Variants in FAT3 observed in about 807,000 individuals in gnomAD.
FAT3 encodes protocadherin Fat 3.
In FAT3, 95 loss-of-function variants were observed where a neutral mutation model predicts 310.2. The observed-to-expected ratio is 0.31, with a 90% CI of 0.26 to 0.36. The LOEUF is 0.36. Ranked by LOEUF, FAT3 falls within the 10% of genes least tolerant of loss-of-function variation. The pLI is 1.00. For missense variants in FAT3, 5,408 were observed against 5,715.6 expected (o/e 0.95, Z 1.74); for synonymous variants, 2,314 against 2,192.9 (o/e 1.06, Z -1.54).
chr11:92,646,448 G>C (rs1942171178), intron 3 of FAT3, among the ~76,000 whole-genome samples: 1 of 152,162 alleles, frequency 6.6e-6, no homozygotes, highest in African/African-American at 2.4e-5. Context: ...GGCCAGCCCA[G>C]ATTCAATGGG....
chr11:92,676,265 A>C (rs978195928), intron 3 of FAT3, among the ~76,000 whole-genome samples: 2 of 152,234 alleles, frequency 1.3e-5, no homozygotes, highest in South Asian at 2.1e-4. Context: ...CTTGTCACCT[A>C]TAATGCTTCA....
intron 2 of FAT3, among the ~76,000 whole-genome samples, chr11:92,413,604 C>T (rs1443239912): frequency 6.6e-6 from 1 of 152,112 alleles, no homozygotes; most frequent in African/African-American, 2.4e-5. Flanking sequence ...TTGGCTTTCC[C>T]TATGCTGGAT....
At chr11:92,437,722 A>G (rs1950971669) in intron 2 of FAT3, among the ~76,000 whole-genome samples, 1 of 152,200 alleles carries the variant, frequency 6.6e-6, no homozygotes, top group African/African-American at 2.4e-5. Context: ...CACTGGGGGT[A>G]ATCCAGCTTG....
chr11:92,390,129 C>A (rs1260963921), intron 2 of FAT3, among the ~76,000 whole-genome samples: 2 of 151,926 alleles, frequency 1.3e-5, no homozygotes, highest in African/African-American at 4.8e-5. Context: ...GAAGAAAGGG[C>A]TCCTGAAATA....
At chr11:92,700,594 A>G (rs1944068739) in intron 4 of FAT3, among the ~76,000 whole-genome samples, 1 of 152,172 alleles carries the variant, frequency 6.6e-6, no homozygotes, top group South Asian at 2.1e-4. Context: ...TCAGCTAGCA[A>G]CAGCACACTG....
At chr11:92,838,240 T>C (rs1948454730) in intron 17 of FAT3, among the ~76,000 whole-genome samples, 1 of 152,230 alleles carries the variant, frequency 6.6e-6, no homozygotes, top group South Asian at 2.1e-4. Context: ...AACTTTATGC[T>C]ATTCTGGCAG....
In FAT3 at chr11:92,890,852, G is replaced by A. The variant is rs1197513225; in HGVS notation, c.13509G>A (p.Thr4503=). 2.2e-5 allele frequency: 35 copies of A among 1,613,838 alleles called. No individual in the cohort carries two copies. The highest frequency in any genetic ancestry group is 3.3e-5 in the Admixed American group (2 of 59,990). ...CTCCTCACCCATTCCCCAACGAAAC[G>A]GATTTGGTGGGCCCGCCTGCCAGCT... ...YLPPHPFPNE[T]DLVGPPASCE... The change falls in exon 28 of 28, where the codon ACG becomes ACA. Residue 4503 remains threonine (T), a synonymous_variant. Coordinates refer to ENST00000525166, the MANE Select transcript of FAT3 (RefSeq NM_001367949.2).
chr11:92,654,700 A>G (rs1251729780), intron 3 of FAT3, among the ~76,000 whole-genome samples: 1 of 152,134 alleles, frequency 6.6e-6, no homozygotes, highest in African/African-American at 2.4e-5. Flanking sequence ...TGGCACAACT[A>G]TCATCTTCTC....
chr11:92,352,875 C>G lies in FAT3; in HGVS notation c.763C>G (p.His255Asp), dbSNP rs1329343956. Residue 255 changes from histidine (H) to aspartate (D), a missense_variant, in exon 2 of 28, where the codon CAC (histidine) becomes GAC (aspartate). Around this residue, in one of 5 missense-constraint regions of FAT3, gnomAD observed 4,588 missense variants for 4,809.8 expected, o/e 0.95. Transcript: ENST00000525166. ...GVSSTAKLYV[H>D]IERINEHAPT... The stretch of plus-strand genomic sequence containing the variant: ...GAGCAGTACTGCAAAGCTTTATGTT[C>G]ACATTGAGCGCATAAATGAACATGC... The G allele has an allele frequency of 8.7e-6, 14 of 1,613,684 alleles. No homozygotes were observed. Among genetic ancestry groups the G allele is most frequent in the Non-Finnish European group, 1.1e-5 (13 of 1,179,858 alleles).
At position 92,887,117 on chromosome 11, in the gene FAT3, A is replaced by G; in HGVS notation, c.13051+4A>G. 1 of 1,604,446 alleles carries G rather than the reference A, an allele frequency of 6.2e-7. No homozygotes were observed. The highest frequency in any genetic ancestry group is 8.5e-7 in the Non-Finnish European group (1 of 1,175,380). On this transcript the variant is annotated splice_donor_region_variant and intron_variant, in intron 25 of 27. Coordinates refer to ENST00000525166, the MANE Select transcript of FAT3 (RefSeq NM_001367949.2). Reference sequence around the variant, plus strand: ...TCAGATTCTGGTGACGACAATGGTAAGAAGTCATCAGATTTGTTCGGAGCG... The same window carrying G: ...TCAGATTCTGGTGACGACAATGGTAGGAAGTCATCAGATTTGTTCGGAGCG...
At chr11:92,837,914 A>C in intron 17 of FAT3, 108 bp downstream of exon 17, 18 of 1,341,182 alleles carry the variant, frequency 1.3e-5, no homozygotes, top group East Asian at 7.0e-5. Context: ...ATGTCATCTC[A>C]TCCCTTCATA....
At chr11:92,465,855 A>T (rs1951746399) in intron 2 of FAT3, among the ~76,000 whole-genome samples, 1 of 152,200 alleles carries the variant, frequency 6.6e-6, no homozygotes, top group East Asian at 1.9e-4. Flanking sequence ...ATAATAAAAA[A>T]AAATGCCTTT....
chr11:92,477,781 A>G (rs1164437328), intron 2 of FAT3, among the ~76,000 whole-genome samples: 2 of 152,216 alleles, frequency 1.3e-5, no homozygotes, highest in Admixed American at 6.5e-5. Flanking sequence ...GATTTTTTCT[A>G]TGTCTGTATT....
rs201119588 is a variant in FAT3, at chr11:92,651,563, CT to C, written c.3608-45813del. On this transcript the variant is annotated intron_variant, in intron 3 of 27. Coordinates refer to ENST00000525166, the MANE Select transcript of FAT3 (RefSeq NM_001367949.2). ...GTGTCTTCTAATAGGAGTTGAGACACTTTTTTTTGTCTTAAAATAAATCCAC... is the reference window on the plus strand; with the variant it reads ...GTGTCTTCTAATAGGAGTTGAGACACTTTTTTTGTCTTAAAATAAATCCAC... 1.3e-3 allele frequency among the ~76,000 whole-genome samples: 191 copies of C among 152,032 alleles called. 3 individuals carry two copies. The East Asian group carries it at 0.033, about 26-fold the overall frequency.
chr11:92,367,161 C>T, intron 2 of FAT3: 1 of 384,512 alleles, frequency 2.6e-6, no homozygotes, highest in African/African-American at 2.1e-5. Context: ...CTGCTGGGCT[C>T]AGGTTGGCAT....
At chr11:92,508,634 T>C (rs1302288334) in intron 2 of FAT3, among the ~76,000 whole-genome samples, 1 of 152,134 alleles carries the variant, frequency 6.6e-6, no homozygotes, top group Non-Finnish European at 1.5e-5. Context: ...CTTTTGAGAA[T>C]ATGTGGGTGT....
chr11:92,761,812 G>C (rs754846629), intron 4 of FAT3, 44 bp from the exon 5 acceptor site: 1 of 1,562,794 alleles, frequency 6.4e-7, no homozygotes, highest in Non-Finnish European at 8.7e-7. Context: ...GTAATAGCAA[G>C]AATAATTTTC....
At chr11:92,719,742 G>A (rs1353747946) in intron 4 of FAT3, among the ~76,000 whole-genome samples, 1 of 151,168 alleles carries the variant, frequency 6.6e-6, no homozygotes, top group Admixed American at 6.6e-5. Flanking sequence ...GTGTGTGTGT[G>A]TGTGTGTGTG....
In FAT3 at chr11:92,895,747, A is replaced by T. The variant is rs1188200289; in HGVS notation, c.*4634A>T. Reference sequence around the variant, plus strand: ...GCCTGTTGCAAACAGGCTGGTTTGTAAAAGATGTATGTTTTGGTGTTTGAA... The same window carrying T: ...GCCTGTTGCAAACAGGCTGGTTTGTTAAAGATGTATGTTTTGGTGTTTGAA... On this transcript the variant is annotated 3_prime_UTR_variant, in exon 28 of 28. Transcript: ENST00000525166. The T allele has an allele frequency of 6.6e-6, 1 of 152,210 alleles. No individual in the cohort carries two copies. The highest frequency in any genetic ancestry group is 6.5e-5 in the Admixed American group (1 of 15,280). The allele number at this position is 152,210 out of a possible 1,614,324, so 9.4% of individuals were successfully genotyped here.
Sources: allele counts gnomAD v4.1 joint callset (sites outside exome capture counted in the v4.1 genomes callset), GRCh38; gene constraint gnomAD v4.1.1; regional missense constraint gnomAD v4.1.1; transcripts MANE v1.5; gene names NCBI Gene and HGNC (gene_info 2026-07-23, HGNC 2026-07-21).